EPHB1: variants seen among roughly 807,000 people sequenced by gnomAD.
EPHB1 encodes EPH receptor B1, also known as ephrin type-B receptor 1.
In EPHB1, 30 loss-of-function variants were observed where a neutral mutation model predicts 94.4. The ratio of observed to expected loss-of-function variants is 0.32; its 90% CI spans 0.24 to 0.43. The LOEUF (loss-of-function observed/expected upper bound fraction) is 0.43, where lower values mean the gene tolerates loss of function less well. Among genes scored for constraint, EPHB1 ranks in the 20% least tolerant of loss-of-function variants. EPHB1 has a pLI of 1.00. For missense variants in EPHB1, 1,055 were observed against 1,308.3 expected (o/e 0.81, Z 2.99); for synonymous variants, 522 against 489.1 (o/e 1.07, Z -0.89).
chr3:134,881,724 A>G (rs2037734497), intron 1 of EPHB1, among the ~76,000 whole-genome samples: 1 of 152,262 alleles, frequency 6.6e-6, no homozygotes, highest in Non-Finnish European at 1.5e-5. Flanking sequence ...AATAATTGAA[A>G]GGGAGGAAGA....
At chr3:135,119,825 A>G (rs1939877407) in intron 4 of EPHB1, among the ~76,000 whole-genome samples, 1 of 152,128 alleles carries the variant, frequency 6.6e-6, no homozygotes. Flanking sequence ...TTTATTTTGC[A>G]TAGGATGTGA....
chr3:134,846,003 A>G (rs536110911), intron 1 of EPHB1, among the ~76,000 whole-genome samples: 2 of 152,144 alleles, frequency 1.3e-5, no homozygotes, highest in East Asian at 3.9e-4. Flanking sequence ...ATTTCTTTTC[A>G]CGACTGCAGA....
chr3:135,065,936 A>G (rs1346964879), intron 3 of EPHB1, among the ~76,000 whole-genome samples: 4 of 152,188 alleles, frequency 2.6e-5, no homozygotes, highest in Admixed American at 6.5e-5. Flanking sequence ...GAAAAAGACT[A>G]TATATTTCCT....
chr3:134,802,765 A>G (rs1016895206), intron 1 of EPHB1, among the ~76,000 whole-genome samples: 2 of 152,180 alleles, frequency 1.3e-5, no homozygotes, highest in Non-Finnish European at 2.9e-5. Context: ...TCATTTTGAC[A>G]GCCTAGCAAA....
chr3:135,153,907 C>T (rs904915276), intron 5 of EPHB1, among the ~76,000 whole-genome samples: 5 of 152,218 alleles, frequency 3.3e-5, no homozygotes, highest in African/African-American at 4.8e-5. Context: ...AGTCCCATGT[C>T]CATTCCAGCT....
chr3:135,084,584 C>G (rs1938278913), intron 3 of EPHB1, among the ~76,000 whole-genome samples: 2 of 152,164 alleles, frequency 1.3e-5, no homozygotes, highest in African/African-American at 4.8e-5. Flanking sequence ...TCTAATCTAA[C>G]CATTCATTTC....
rs892130588 is a variant in EPHB1 at position 135,164,827 on chromosome 3, A to G, written c.1586-1141A>G. Among the ~76,000 whole-genome samples, 96 of 149,314 alleles carry G rather than the reference A, an allele frequency of 6.4e-4. 1 individual carries two copies. Among genetic ancestry groups the G allele is most frequent in the South Asian group, 6.4e-4 (3 of 4,720 alleles). On this transcript the variant is annotated intron_variant, in intron 7 of 15. Coordinates refer to ENST00000398015, the MANE Select transcript of EPHB1 (RefSeq NM_004441.5). ...GTCTCAAAAAAAAAAAAAAAAAAAAAAAGAAGTATTGTCATTAGGGTTGCT... is the reference window on the plus strand; with the variant it reads ...GTCTCAAAAAAAAAAAAAAAAAAAAGAAGAAGTATTGTCATTAGGGTTGCT...
chr3:135,039,892 C>T lies in EPHB1; in HGVS notation c.806-66556C>T, dbSNP rs1217856097. 3.3e-5 allele frequency among the ~76,000 whole-genome samples: 5 copies of T among 152,202 alleles called. No homozygotes were observed. In the East Asian group the frequency reaches 9.6e-4, roughly 29 times the overall value. ...AGTGCAGTGGGGGGGCTGAAGGGCT[C>T]CTCAAATGCCACCAAAGTGGGAGCC... is the stretch of plus-strand genomic sequence containing the variant. On this transcript the variant is annotated intron_variant, in intron 3 of 15. Coordinates refer to ENST00000398015, the MANE Select transcript of EPHB1 (RefSeq NM_004441.5).
intron 3 of EPHB1, among the ~76,000 whole-genome samples, chr3:135,094,011 T>C (rs1186023881): frequency 1.3e-5 from 2 of 152,258 alleles, no homozygotes; most frequent in African/African-American, 2.4e-5. Flanking sequence ...TAATTAATTT[T>C]TTCTTGCTAT....
intron 3 of EPHB1, among the ~76,000 whole-genome samples, chr3:135,097,783 A>G (rs1159374794): frequency 6.6e-6 from 1 of 152,072 alleles, no homozygotes; most frequent in African/African-American, 2.4e-5. Flanking sequence ...AGAACTGGAG[A>G]CTCATTTGGC....
intron 14 of EPHB1, among the ~76,000 whole-genome samples, chr3:135,249,046 C>T (rs1932943279): frequency 6.6e-6 from 1 of 152,258 alleles, no homozygotes; most frequent in Non-Finnish European, 1.5e-5. Context: ...TTTTGGTTTA[C>T]AAAGGAGTTG....
chr3:134,909,491 C>T (rs570582149), intron 1 of EPHB1, among the ~76,000 whole-genome samples: 12 of 152,280 alleles, frequency 7.9e-5, no homozygotes, highest in Admixed American at 4.6e-4. Flanking sequence ...TTCTGAAATG[C>T]GAGCCAGGCC....
intron 12 of EPHB1, among the ~76,000 whole-genome samples, chr3:135,211,098 T>C (rs1462310477): frequency 6.6e-6 from 1 of 152,250 alleles, no homozygotes; most frequent in Non-Finnish European, 1.5e-5. Flanking sequence ...TAATAATATG[T>C]AACATATGCA....
chr3:135,259,759 T>TTTTC lies in EPHB1; in HGVS notation c.*643_*646dup, dbSNP rs1423475805. 4.2e-5 allele frequency: 9 copies of TTTTC among 212,828 alleles called. No homozygotes were observed. The East Asian group carries it at 5.6e-4, about 13-fold the overall frequency. The allele number at this position is 212,828 out of a possible 1,614,324, so 13.2% of individuals were successfully genotyped here. A position where few individuals can be genotyped will look rare whatever the true frequency, so the allele number is the denominator to read the frequency against. ...ATGTACCTTCAATTGAAAACCTCGT[T>TTTTC]TTTCTTTTGTTTGCATTTTCTGCAA... On this transcript the variant is annotated 3_prime_UTR_variant, in exon 16 of 16. Coordinates refer to ENST00000398015, the MANE Select transcript of EPHB1 (RefSeq NM_004441.5).
chr3:135,123,246 C>T (rs1940049926), intron 4 of EPHB1, among the ~76,000 whole-genome samples: 1 of 152,156 alleles, frequency 6.6e-6, no homozygotes, highest in African/African-American at 2.4e-5. Context: ...AAACTGTAGA[C>T]AATAGTTCCT....
intron 1 of EPHB1, among the ~76,000 whole-genome samples, chr3:134,827,221 T>C (rs182777337): frequency 1.3e-5 from 2 of 152,350 alleles, no homozygotes; most frequent in African/African-American, 4.8e-5. Context: ...ACAATTACTA[T>C]ATGGTAATGC....
intron 3 of EPHB1, among the ~76,000 whole-genome samples, chr3:135,008,954 G>T (rs1935521417): frequency 1.3e-5 from 2 of 152,306 alleles, no homozygotes; most frequent in East Asian, 1.9e-4. Flanking sequence ...ATTCAGTGCG[G>T]CCAGGCCCTT....
At chr3:134,805,510 CCCTACATCACCTGGGT>C (rs1379502261) in intron 1 of EPHB1, among the ~76,000 whole-genome samples, 9 of 152,126 alleles carry the variant, frequency 5.9e-5, no homozygotes, top group Admixed American at 5.2e-4. Flanking sequence ...CATTGCAAGA[CCCTACATCACCTGGGT>C]CCACCTTGCC....
intron 3 of EPHB1, among the ~76,000 whole-genome samples, chr3:135,084,480 G>T (rs371115487): frequency 3.9e-5 from 6 of 152,316 alleles, no homozygotes; most frequent in Admixed American, 1.3e-4. Context: ...GTGTCATATA[G>T]GTCCCTTGCT....
Sources: allele counts gnomAD v4.1 joint callset (sites outside exome capture counted in the v4.1 genomes callset), GRCh38; gene constraint gnomAD v4.1.1; transcripts MANE v1.5; gene names NCBI Gene and HGNC (gene_info 2026-07-23, HGNC 2026-07-21).